CTPS2: variants seen among roughly 807,000 people sequenced by gnomAD.
CTPS2 encodes the protein CTP synthase 2, also known as CTP synthase II.
Under a neutral mutation model 46.8 loss-of-function variants are expected in CTPS2, and 19 were observed. The ratio of observed to expected loss-of-function variants is 0.41; its 90% CI spans 0.28 to 0.60. The LOEUF is 0.60. Among genes scored for constraint, CTPS2 ranks in the 20% least tolerant of loss-of-function variants. The pLI, the probability that CTPS2 is intolerant of heterozygous loss-of-function variation, is 0.35. For synonymous variants in CTPS2, 151 were observed against 165.2 expected, an observed-to-expected ratio of 0.91 and a Z score of 0.66; for missense variants, 286 against 447.6, an observed-to-expected ratio of 0.64 and a Z score of 3.26.
intron 13 of CTPS2, among the ~76,000 whole-genome samples, chrX:16,645,296 A>C (rs1425820602): frequency 1.8e-5 from 2 of 110,992 alleles, no homozygotes; most frequent in Admixed American, 1.9e-4. Flanking sequence ...CCCGGCCTGG[A>C]ATCTCACAGT....
intron 16 of CTPS2, 46 bp from the exon 17 acceptor site, chrX:16,609,731 G>A: frequency 8.8e-7 from 1 of 1,134,721 alleles, no homozygotes; most frequent in South Asian, 2.1e-5. Context: ...ACAAACAGGA[G>A]AACTGCTTTA....
At chrX:16,712,772 C>G (rs962919630), upstream of CTPS2, 18 of 112,643 alleles carry the variant, frequency 1.6e-4, no homozygotes, top group Admixed American at 1.4e-3. Flanking sequence ...TCCCGGGGAA[C>G]CCCGGCTTCC....
intron 16 of CTPS2, among the ~76,000 whole-genome samples, chrX:16,616,238 T>C (rs1245070190): frequency 1.8e-5 from 2 of 112,258 alleles, no homozygotes; most frequent in East Asian, 5.6e-4. Flanking sequence ...TGTGCCTATG[T>C]GCTCACGGGT....
chrX:16,684,338 G>C lies in CTPS2; in HGVS notation c.873-1112C>G, dbSNP rs184296688. ...ATCCTGGCCAACATGGTGAAACCTC[G>C]TCTCTACTAAAAATACAAAAATTAG... On this transcript the variant is annotated intron_variant, in intron 8 of 18. Transcript: ENST00000359276. 2.0e-4 allele frequency among the ~76,000 whole-genome samples: 22 copies of C among 109,056 alleles called. No homozygotes were observed. In the Admixed American group the frequency reaches 2.2e-3, roughly 11 times the overall value. The allele number at this position is 109,056 out of a possible 115,157, so 94.7% of individuals were successfully genotyped here. A position where few individuals can be genotyped will look rare whatever the true frequency, so the allele number is the denominator to read the frequency against.
chrX:16,663,281 G>T (rs769077860), intron 13 of CTPS2, among the ~76,000 whole-genome samples: 5 of 111,163 alleles, frequency 4.5e-5, no homozygotes, highest in African/African-American at 1.6e-4. Context: ...GAGTAGCTAG[G>T]ACTATAGGTG....
At chrX:16,664,042 T>C (rs376489891) in intron 13 of CTPS2, among the ~76,000 whole-genome samples, 7 of 111,559 alleles carry the variant, frequency 6.3e-5, no homozygotes, top group African/African-American at 1.3e-4. Context: ...TTCACCATGT[T>C]AGCCAGGATG....
At chrX:16,596,986 T>C (rs775891348) in intron 17 of CTPS2, among the ~76,000 whole-genome samples, 2 of 106,804 alleles carry the variant, frequency 1.9e-5, no homozygotes, top group African/African-American at 7.0e-5. Context: ...GCTGCATAAA[T>C]GTCTTCTTTT....
At chrX:16,700,157 G>T (rs189042289) in intron 2 of CTPS2, among the ~76,000 whole-genome samples, 1 of 100,720 alleles carries the variant, frequency 9.9e-6, no homozygotes, top group East Asian at 3.3e-4. Context: ...TCACTCTATC[G>T]CCAGGCTGGA....
At chrX:16,639,817 G>GA (rs1931978746) in intron 13 of CTPS2, among the ~76,000 whole-genome samples, 1 of 105,084 alleles carries the variant, frequency 9.5e-6, no homozygotes, top group East Asian at 3.0e-4. Context: ...AAGAAAGAAA[G>GA]AAAGAAAGAA....
In CTPS2 at chrX:16,599,450, C is replaced by A. The variant is rs1298288000; in HGVS notation, c.1692-8588G>T. Among the ~76,000 whole-genome samples, 5 of 103,503 alleles carry A rather than the reference C, an allele frequency of 4.8e-5. No individual in the cohort carries two copies. The East Asian group carries it at 1.2e-3, about 25-fold the overall frequency. The allele number at this position is 103,503 out of a possible 115,157, so 89.9% of individuals were successfully genotyped here. A position where few individuals can be genotyped will look rare whatever the true frequency, so the allele number is the denominator to read the frequency against. Reference sequence around the variant, plus strand: ...TTACCACAATGGTCAACATGTAGTTCTTTTCTTTTTCTTTTTCTTTTTTTT... The same window carrying A: ...TTACCACAATGGTCAACATGTAGTTATTTTCTTTTTCTTTTTCTTTTTTTT... On this transcript the variant is annotated intron_variant, in intron 17 of 18. Coordinates refer to ENST00000359276, the MANE Select transcript of CTPS2 (RefSeq NM_175859.3).
chrX:16,617,710 C>A (rs1454287515), intron 15 of CTPS2, among the ~76,000 whole-genome samples: 4 of 112,076 alleles, frequency 3.6e-5, no homozygotes, highest in Admixed American at 1.9e-4. Flanking sequence ...AAGTTTTCTA[C>A]TAAAATATCC....
At chrX:16,683,349 G>T in intron 8 of CTPS2, 123 bp from the exon 9 acceptor site, 1 of 687,223 alleles carries the variant, frequency 1.5e-6, no homozygotes, top group Non-Finnish European at 2.2e-6. Flanking sequence ...TGTAGTCCTA[G>T]CTACTCAGGA....
chrX:16,599,283 C>A (rs1929492331), intron 17 of CTPS2, among the ~76,000 whole-genome samples: 1 of 111,045 alleles, frequency 9.0e-6, no homozygotes, highest in South Asian at 3.8e-4. Context: ...ATGAAAATCA[C>A]AGCAAATATC....
chrX:16,639,210 A>C lies in CTPS2; in HGVS notation c.1330T>G (p.Leu444Val), dbSNP rs775412284. The change falls in exon 14 of 19, where the codon TTG (leucine) becomes GTG (valine). Residue 444 changes from leucine (L) to valine (V), a missense_variant. Transcript: ENST00000359276. Reference sequence around the variant, plus strand: ...ATTCCCAGTCTCATTGTTCCTCCCAAATTGCCAGGGTTGTGCTCGGGCATA... The same window carrying C: ...ATTCCCAGTCTCATTGTTCCTCCCACATTGCCAGGGTTGTGCTCGGGCATA... Reference protein sequence around the residue: ...IDMPEHNPGNLGGTMRLGIRR... With the variant: ...IDMPEHNPGNVGGTMRLGIRR... 6 of 1,209,453 alleles carry C rather than the reference A, an allele frequency of 5.0e-6. No individual in the cohort carries two copies. In the East Asian group the frequency reaches 1.5e-4, roughly 30 times the overall value.
chrX:16,631,129 A>G (rs1454502532), intron 14 of CTPS2, among the ~76,000 whole-genome samples: 1 of 111,626 alleles, frequency 9.0e-6, no homozygotes, highest in Non-Finnish European at 1.9e-5. Flanking sequence ...CGGGTGGATC[A>G]CCTGAGGTCA....
intron 9 of CTPS2, among the ~76,000 whole-genome samples, chrX:16,682,854 G>A (rs750694536): frequency 1.8e-5 from 2 of 111,964 alleles, no homozygotes; most frequent in Admixed American, 9.5e-5. Flanking sequence ...AGAAGCTTGC[G>A]CCTGGTTACT....
At position 16,590,538 on chromosome X, in the gene CTPS2, T is replaced by C. The variant is rs149224095; in HGVS notation, c.*41+214A>G. Among the ~76,000 whole-genome samples, 72 of 111,078 alleles carry C rather than the reference T, an allele frequency of 6.5e-4. 1 individual carries two copies. The East Asian group carries it at 9.8e-3, about 15-fold the overall frequency. The stretch of plus-strand genomic sequence containing the variant: ...ACATATACATTTATAGGTGTACTTA[T>C]ATTTTTTTTTTCCTGGCCCAAGGTG... On this transcript the variant is annotated intron_variant, in intron 18 of 18. Coordinates refer to ENST00000359276, the MANE Select transcript of CTPS2 (RefSeq NM_175859.3).
At chrX:16,711,185 G>T (rs775461925) in intron 1 of CTPS2, among the ~76,000 whole-genome samples, 1 of 112,178 alleles carries the variant, frequency 8.9e-6, no homozygotes, top group Non-Finnish European at 1.9e-5. Context: ...AAAGTAAAAA[G>T]AATCAAATGA....
intron 13 of CTPS2, among the ~76,000 whole-genome samples, chrX:16,645,165 T>G (rs891388483): frequency 1.8e-5 from 2 of 109,003 alleles, no homozygotes; most frequent in Non-Finnish European, 3.8e-5. Flanking sequence ...TTTTTTTTTT[T>G]TGTATTTTTA....
Sources: allele counts gnomAD v4.1 joint callset (sites outside exome capture counted in the v4.1 genomes callset), GRCh38; gene constraint gnomAD v4.1.1; transcripts MANE v1.5; gene names NCBI Gene and HGNC (gene_info 2026-07-23, HGNC 2026-07-21).